MYLK4: variants seen among roughly 807,000 people sequenced by gnomAD.
MYLK4 encodes caMLCK like.
Under a neutral mutation model 48.1 loss-of-function variants are expected in MYLK4, and 46 were observed. The ratio of observed to expected loss-of-function variants is 0.96; its 90% CI spans 0.75 to 1.22. The LOEUF is 1.22. MYLK4 is among the 50% of genes most tolerant of loss of function. MYLK4 has a pLI of 0.00. For missense variants in MYLK4, 451 were observed against 486.1 expected, an observed-to-expected ratio of 0.93 and a Z score of 0.68; for synonymous variants, 170 against 180.8, an observed-to-expected ratio of 0.94 and a Z score of 0.48.
At chr6:2,735,495 A>C (rs1763638698) in intron 2 of MYLK4, among the ~76,000 whole-genome samples, 1 of 152,232 alleles carries the variant, frequency 6.6e-6, no homozygotes, top group Non-Finnish European at 1.5e-5. Context: ...CATTATCCTC[A>C]CTTCTAAGAC....
chr6:2,735,114 G>A lies in MYLK4; in HGVS notation c.159+14022C>T, dbSNP rs575262981. ...GATTCAGAAGGAACTTCAGAATTTG[G>A]GCAATGCCTCTTAGCCATCATTACA... On this transcript the variant is annotated intron_variant, in intron 2 of 12. Transcript: ENST00000274643. 1.1e-4 allele frequency among the ~76,000 whole-genome samples: 17 copies of A among 152,288 alleles called. No homozygotes were observed. The South Asian group carries it at 3.3e-3, about 30-fold the overall frequency.
At chr6:2,754,512 C>T (rs774115289), upstream of MYLK4, among the ~76,000 whole-genome samples, 3 of 152,120 alleles carry the variant, frequency 2.0e-5, no homozygotes, top group East Asian at 3.9e-4. Context: ...TGGTGGTTGC[C>T]GGGGGCTGGG....
At chr6:2,707,471 G>A (rs771151342) in intron 2 of MYLK4, among the ~76,000 whole-genome samples, 5 of 152,032 alleles carry the variant, frequency 3.3e-5, no homozygotes, top group Admixed American at 6.6e-5. Flanking sequence ...CAGTCAAATC[G>A]CAACATGAAA....
the MYLK4 span, among the ~76,000 whole-genome samples, chr6:2,764,488 A>G: frequency 2.0e-5 from 3 of 152,176 alleles, no homozygotes; most frequent in Non-Finnish European, 4.4e-5. Context: ...ATTCTCCCTC[A>G]ATTCATTTAC....
rs148932934 is a variant in MYLK4 at position 2,697,358 on chromosome 6, T to C, written c.160-4499A>G. 4.5e-4 allele frequency among the ~76,000 whole-genome samples: 69 copies of C among 152,352 alleles called. 1 individual carries two copies. The highest frequency in any genetic ancestry group is 1.6e-3 in the African/African-American group (68 of 41,590). On this transcript the variant is annotated intron_variant, in intron 2 of 12. Transcript: ENST00000274643. ...TCTGCAAAGTACTGCTTTTAAGAGT[T>C]CAGTATTCATCGCTTGCGTGCCAGT...
chr6:2,715,386 G>A (rs898076796), intron 2 of MYLK4, among the ~76,000 whole-genome samples: 2 of 152,112 alleles, frequency 1.3e-5, no homozygotes, highest in Non-Finnish European at 2.9e-5. Context: ...GACACTTAAT[G>A]GTTAAAACGG....
At chr6:2,706,481 G>A (rs959969629) in intron 2 of MYLK4, among the ~76,000 whole-genome samples, 1 of 152,016 alleles carries the variant, frequency 6.6e-6, no homozygotes, top group Non-Finnish European at 1.5e-5. Context: ...TCATCAAAAC[G>A]TGTATATTAA....
chr6:2,755,349 CCTCT>C (rs373356318), upstream of MYLK4, among the ~76,000 whole-genome samples: 1 of 151,694 alleles, frequency 6.6e-6, no homozygotes, highest in Non-Finnish European at 1.5e-5. Flanking sequence ...CCATGTTTGC[CCTCT>C]CTCTCTCTTT....
rs377622147 is a variant in MYLK4 at position 2,749,122 on chromosome 6, T to G, written c.159+14A>C. The G allele has an allele frequency of 6.6e-5, 106 of 1,609,746 alleles. No homozygotes were observed. Among genetic ancestry groups the G allele is most frequent in the Non-Finnish European group, 8.0e-5 (94 of 1,178,338 alleles). On this transcript the variant is annotated intron_variant, in intron 2 of 12. Transcript: ENST00000274643. ...ATGAATACTTTTTAGGAGACTAAAT[T>G]AGAACATGATTACCTCATTATGTCC...
At chr6:2,770,285 A>T in the MYLK4 span, 1 of 1,614,178 alleles carries the variant, frequency 6.2e-7, no homozygotes, top group Non-Finnish European at 8.5e-7. Context: ...GCGAGCGATC[A>T]ACTCCCTGGG....
chr6:2,676,856 G>A (rs990674439), intron 10 of MYLK4, among the ~76,000 whole-genome samples: 2 of 152,144 alleles, frequency 1.3e-5, no homozygotes, highest in African/African-American at 4.8e-5. Context: ...AGCCAAATAA[G>A]ATAACACATG....
chr6:2,676,226 T>A (rs1471984584), intron 10 of MYLK4, among the ~76,000 whole-genome samples: 1 of 152,270 alleles, frequency 6.6e-6, no homozygotes, highest in Admixed American at 6.5e-5. Context: ...ATGCAATCGC[T>A]TCATCAGATA....
At chr6:2,680,369 T>C (rs1024397020) in intron 7 of MYLK4, 78 bp from the exon 8 acceptor site, 24 of 1,601,768 alleles carry the variant, frequency 1.5e-5, no homozygotes, top group African/African-American at 4.0e-5. Flanking sequence ...CAACTAAAAA[T>C]ACAACGATGC....
rs1038673882 is a variant in MYLK4 at position 2,716,484 on chromosome 6, C to T, written c.160-23625G>A. 4.6e-5 allele frequency among the ~76,000 whole-genome samples: 7 copies of T among 152,280 alleles called. No homozygotes were observed. The East Asian group carries it at 9.6e-4, about 21-fold the overall frequency. Reference sequence around the variant, plus strand: ...TTGTTATGCAGATAGAAACTTAAATCGGGGGCATCGAGTATTCTATTTCAG... The same window carrying T: ...TTGTTATGCAGATAGAAACTTAAATTGGGGGCATCGAGTATTCTATTTCAG... On this transcript the variant is annotated intron_variant, in intron 2 of 12. Transcript: ENST00000274643.
chr6:2,752,840 C>G (rs1488589293), upstream of MYLK4, among the ~76,000 whole-genome samples: 2 of 152,056 alleles, frequency 1.3e-5, no homozygotes, highest in Non-Finnish European at 2.9e-5. Flanking sequence ...TAAAATAATC[C>G]ATGCTAAAAG....
At position 2,684,298 on chromosome 6, in the gene MYLK4, G is replaced by A. The variant is rs925418259; in HGVS notation, c.545+998C>T. On this transcript the variant is annotated intron_variant, in intron 6 of 12. Transcript: ENST00000274643. ...ATTCACGTCCTGGGTGGGACCGAGCGGGACGGTGGGAGATTTCATCAGGCT... is the reference window on the plus strand; with the variant it reads ...ATTCACGTCCTGGGTGGGACCGAGCAGGACGGTGGGAGATTTCATCAGGCT... Among the ~76,000 whole-genome samples, 12 of 152,252 alleles carry A rather than the reference G, an allele frequency of 7.9e-5. No individual in the cohort carries two copies. The East Asian group carries it at 1.5e-3, about 20-fold the overall frequency.
At position 2,672,890 on chromosome 6, in the gene MYLK4, T is replaced by C. The variant is rs1760958171; in HGVS notation, c.1120-1542A>G. ...GACACTAATGTGCCCATTTTGTGCG[T>C]TGCTATGAGGAGTCAGTGAGTTATT... On this transcript the variant is annotated intron_variant, in intron 11 of 12. Coordinates refer to ENST00000274643, the MANE Select transcript of MYLK4 (RefSeq NM_001012418.5). The surrounding 1 kb of genome is among the most constrained non-coding windows in gnomAD (Gnocchi z 4.3). Among the ~76,000 whole-genome samples the C allele has an allele frequency of 6.6e-6, 1 of 152,172 alleles. No individual in the cohort carries two copies. Among genetic ancestry groups the C allele is most frequent in the African/African-American group, 2.4e-5 (1 of 41,432 alleles).
At chr6:2,697,760 C>A (rs966850547) in intron 2 of MYLK4, among the ~76,000 whole-genome samples, 2 of 152,342 alleles carry the variant, frequency 1.3e-5, no homozygotes, top group Admixed American at 1.3e-4. Context: ...ATGCCACCAT[C>A]GTTTTCCGTG....
chr6:2,769,501 A>G, the MYLK4 span, among the ~76,000 whole-genome samples: 1 of 152,144 alleles, frequency 6.6e-6, no homozygotes, highest in Non-Finnish European at 1.5e-5. Flanking sequence ...ATAACTTTAA[A>G]AAATTTTTTT....
Sources: allele counts gnomAD v4.1 joint callset (sites outside exome capture counted in the v4.1 genomes callset), GRCh38; gene constraint gnomAD v4.1.1; non-coding constraint Gnocchi (gnomAD v3.1); transcripts MANE v1.5; gene names NCBI Gene and HGNC (gene_info 2026-07-23, HGNC 2026-07-21).